The following CNTN5 variants were observed in gnomAD, a reference collection of about 807,000 sequenced individuals.
The protein encoded by CNTN5 is contactin-5.
CNTN5 carries 77 observed loss-of-function variants against 129.1 expected under a neutral mutation model. That is an observed-to-expected ratio of 0.60 (90% confidence interval 0.50 to 0.72). The LOEUF (loss-of-function observed/expected upper bound fraction) is 0.72, where lower values mean the gene tolerates loss of function less well. Ranked by LOEUF, CNTN5 falls within the 30% of genes least tolerant of loss-of-function variation. The pLI is 0.00. For missense variants in CNTN5, 1,478 were observed against 1,328.8 expected (o/e 1.11, Z -1.75); for synonymous variants, 509 against 465.6 (o/e 1.09, Z -1.20).
chr11:99,900,086 T>C (rs1260311250), intron 6 of CNTN5, among the ~76,000 whole-genome samples: 1 of 152,004 alleles, frequency 6.6e-6, no homozygotes, highest in East Asian at 1.9e-4. Flanking sequence ...ATTCTACTTA[T>C]TTGAGTCTTC....
At chr11:99,478,286 G>A (rs1275699145) in intron 2 of CNTN5, among the ~76,000 whole-genome samples, 5 of 152,102 alleles carry the variant, frequency 3.3e-5, no homozygotes, top group Non-Finnish European at 5.9e-5. Context: ...TTCCATGGCT[G>A]TTGGGAGGAT....
intron 13 of CNTN5, among the ~76,000 whole-genome samples, chr11:100,159,216 T>TA (rs577208301): frequency 6.6e-6 from 1 of 151,756 alleles, no homozygotes; most frequent in Non-Finnish European, 1.5e-5. Flanking sequence ...AAAAAAAAGT[T>TA]AAAATGGTGT....
chr11:100,107,528 T>C (rs974321839), intron 13 of CNTN5, among the ~76,000 whole-genome samples: 5 of 148,140 alleles, frequency 3.4e-5, no homozygotes, highest in Non-Finnish European at 7.4e-5. Context: ...ATCTCAGTGG[T>C]TCCAAAATAC....
chr11:99,733,297 G>C (rs574776137), intron 3 of CNTN5, among the ~76,000 whole-genome samples: 1 of 145,488 alleles, frequency 6.9e-6, no homozygotes, highest in African/African-American at 2.6e-5. Context: ...ACTCCAGCCT[G>C]AGCGACAGAG....
chr11:100,317,284 G>A (rs566268422), intron 21 of CNTN5, among the ~76,000 whole-genome samples: 3 of 152,104 alleles, frequency 2.0e-5, no homozygotes, highest in African/African-American at 4.8e-5. Flanking sequence ...CTTTGTATGG[G>A]GGGGAGGAAA....
intron 10 of CNTN5, among the ~76,000 whole-genome samples, chr11:100,065,320 A>C (rs985823649): frequency 5.9e-5 from 9 of 152,028 alleles, no homozygotes; most frequent in Non-Finnish European, 1.0e-4. Flanking sequence ...AATTCTGTTC[A>C]GCACACAGTG....
At chr11:99,762,447 G>A (rs1392150875) in intron 3 of CNTN5, among the ~76,000 whole-genome samples, 1 of 151,868 alleles carries the variant, frequency 6.6e-6, no homozygotes, top group Admixed American at 6.6e-5. Context: ...TTTGTATAAG[G>A]TGTAAGGAAG....
intron 1 of CNTN5, among the ~76,000 whole-genome samples, chr11:99,253,308 A>G (rs1862208306): frequency 6.6e-6 from 1 of 152,034 alleles, no homozygotes; most frequent in Non-Finnish European, 1.5e-5. Context: ...GCCATATGAA[A>G]CTGTGAATCC....
chr11:99,762,893 T>C (rs945815263), intron 3 of CNTN5, among the ~76,000 whole-genome samples: 1 of 152,140 alleles, frequency 6.6e-6, no homozygotes, highest in Non-Finnish European at 1.5e-5. Context: ...TGAATTCTTT[T>C]CTTGTGAATT....
At chr11:100,169,349 TTAAG>T (rs1947754212) in intron 13 of CNTN5, among the ~76,000 whole-genome samples, 1 of 151,954 alleles carries the variant, frequency 6.6e-6, no homozygotes, top group African/African-American at 2.4e-5. Flanking sequence ...TTGTCTTATT[TTAAG>T]TAATTGCCAC....
chr11:99,727,312 CAAAAAAAAAAA>C (rs397936738), intron 3 of CNTN5, among the ~76,000 whole-genome samples: 8 of 24,306 alleles, frequency 3.3e-4, no homozygotes, highest in Non-Finnish European at 5.4e-4. Flanking sequence ...GACTCCGTCT[CAAAAAAAAAAA>C]AAAAAAAAAA....
chr11:99,816,355 T>C (rs1454156147), intron 3 of CNTN5, among the ~76,000 whole-genome samples: 1 of 152,152 alleles, frequency 6.6e-6, no homozygotes, highest in Non-Finnish European at 1.5e-5. Context: ...CATTTCATAA[T>C]CTCTCTGACG....
rs1387639483 is a variant in CNTN5, at chr11:99,727,347, GTGC to G, written c.56-92192_56-92190del. Among the ~76,000 whole-genome samples the G allele has an allele frequency of 2.9e-5, 4 of 137,440 alleles. No individual in the cohort carries two copies. In the East Asian group the frequency reaches 1.0e-3, roughly 34 times the overall value. 90.2% of individuals were successfully genotyped at this position (137,440 alleles called of 152,430 possible). On this transcript the variant is annotated intron_variant, in intron 3 of 24. Transcript: ENST00000524871. Reference sequence around the variant, plus strand: ...AAAAAAAAAAAAATTCCAGGGCATTGTGCTGCTATTGTGTGTTATTAGAATATT... The same window carrying G: ...AAAAAAAAAAAAATTCCAGGGCATTGTGCTATTGTGTGTTATTAGAATATT...
intron 1 of CNTN5, among the ~76,000 whole-genome samples, chr11:99,106,262 G>A (rs1866989009): frequency 6.6e-6 from 1 of 151,928 alleles, no homozygotes; most frequent in Non-Finnish European, 1.5e-5. Flanking sequence ...AAAATATTTT[G>A]TATAATAATA....
At chr11:99,222,025 C>G (rs957181850) in intron 1 of CNTN5, among the ~76,000 whole-genome samples, 1 of 151,876 alleles carries the variant, frequency 6.6e-6, no homozygotes, top group African/African-American at 2.4e-5. Context: ...TCTTCAGTAA[C>G]TTGTCTTTTA....
chr11:99,778,313 G>T (rs11221334), intron 3 of CNTN5, among the ~76,000 whole-genome samples: 1 of 151,582 alleles, frequency 6.6e-6, no homozygotes, highest in African/African-American at 2.4e-5. Flanking sequence ...TCAATATTGA[G>T]CAATGATTAG....
At chr11:99,471,479 A>G (rs972349388) in intron 2 of CNTN5, among the ~76,000 whole-genome samples, 1 of 152,054 alleles carries the variant, frequency 6.6e-6, no homozygotes, top group Non-Finnish European at 1.5e-5. Context: ...TTGTCATTCC[A>G]TCAGTGAAGA....
intron 1 of CNTN5, among the ~76,000 whole-genome samples, chr11:99,035,362 C>T (rs543677338): frequency 1.3e-5 from 2 of 152,158 alleles, no homozygotes; most frequent in East Asian, 3.9e-4. Context: ...CTAATGCTGA[C>T]AGTGGGGTGT....
chr11:99,261,176 C>T (rs1862609782), intron 1 of CNTN5, among the ~76,000 whole-genome samples: 1 of 150,678 alleles, frequency 6.6e-6, no homozygotes, highest in Non-Finnish European at 1.5e-5. Context: ...AACTAATGAA[C>T]ACATACAATG....
Sources: gnomAD v4.1 joint callset for allele counts (sites outside exome capture counted in the v4.1 genomes callset) on GRCh38, gnomAD v4.1.1 for gene constraint, MANE v1.5 for transcripts, NCBI Gene and HGNC (gene_info 2026-07-23, HGNC 2026-07-21) for gene names.